The following MTHFD1L variants were observed in gnomAD, a reference collection of about 807,000 sequenced individuals.
MTHFD1L encodes the protein monofunctional C1-tetrahydrofolate synthase, mitochondrial.
MTHFD1L carries 81 observed loss-of-function variants against 119.5 expected under a neutral mutation model. The observed-to-expected ratio is 0.68, with a 90% confidence interval of 0.57 to 0.82. The LOEUF is 0.82. Among genes scored for constraint, MTHFD1L ranks in the 40% least tolerant of loss-of-function variants. The pLI is 0.00. For synonymous variants in MTHFD1L, 430 were observed against 475.2 expected (o/e 0.90, Z 1.24); for missense variants, 1,125 against 1,253.4 (o/e 0.90, Z 1.55).
At chr6:151,059,206 G>GGTC (rs982647867) in intron 26 of MTHFD1L, among the ~76,000 whole-genome samples, 1 of 151,860 alleles carries the variant, frequency 6.6e-6, no homozygotes, top group African/African-American at 2.4e-5. Context: ...TGGTGGTGGT[G>GGTC]GTGGTGGTTG....
chr6:150,926,336 T>G lies in MTHFD1L; in HGVS notation c.1256+41T>G. On this transcript the variant is annotated intron_variant, in intron 11 of 27. Coordinates refer to ENST00000367321, the MANE Select transcript of MTHFD1L (RefSeq NM_015440.5). The surrounding 1 kb of genome is among the most constrained non-coding windows in gnomAD (Gnocchi z 4.3). ...ACATCTACTTGATCAAGCAGACATA[T>G]TTACAAAACTCTTCCCTATTTATCT... is the stretch of plus-strand genomic sequence containing the variant. 6.4e-7 allele frequency: 1 copy of G among 1,551,012 alleles called. No homozygotes were observed. Among genetic ancestry groups the G allele is most frequent in the Non-Finnish European group, 8.8e-7 (1 of 1,131,820 alleles).
chr6:150,986,738 T>G (rs1186161308), intron 20 of MTHFD1L, among the ~76,000 whole-genome samples: 5 of 152,162 alleles, frequency 3.3e-5, no homozygotes, highest in Non-Finnish European at 5.9e-5. Flanking sequence ...CAAGTCTCAC[T>G]CTGTCGCCCA....
At chr6:151,023,008 TTA>T (rs1399792846) in intron 24 of MTHFD1L, among the ~76,000 whole-genome samples, 1 of 151,814 alleles carries the variant, frequency 6.6e-6, no homozygotes, top group Non-Finnish European at 1.5e-5. Flanking sequence ...CCTGCTTTTT[TTA>T]TGTTTTTTTG....
In MTHFD1L at chr6:151,016,866, G is replaced by A. The variant is rs561637904; in HGVS notation, c.2586+1173G>A. Reference sequence around the variant, plus strand: ...CGGCTCACTGCAACCTCCACCTCCCGGGTTCAAGCAATTCTTCTGCCTCAG... The same window carrying A: ...CGGCTCACTGCAACCTCCACCTCCCAGGTTCAAGCAATTCTTCTGCCTCAG... On this transcript the variant is annotated intron_variant, in intron 24 of 27. Coordinates refer to ENST00000367321, the MANE Select transcript of MTHFD1L (RefSeq NM_015440.5). 10 of 169,504 alleles carry A rather than the reference G, an allele frequency of 5.9e-5. 1 individual carries two copies. In the East Asian group the frequency reaches 9.4e-4, roughly 16 times the overall value. 10.5% of individuals were successfully genotyped at this position (169,504 alleles called of 1,614,324 possible).
intron 26 of MTHFD1L, among the ~76,000 whole-genome samples, chr6:151,071,442 A>G (rs943960409): frequency 6.6e-6 from 1 of 152,180 alleles, no homozygotes; most frequent in African/African-American, 2.4e-5. Context: ...TTCAACATGC[A>G]AGAGAATTGC....
chr6:150,988,272 T>G (rs1454343729), intron 20 of MTHFD1L, among the ~76,000 whole-genome samples: 4 of 152,228 alleles, frequency 2.6e-5, no homozygotes, highest in Non-Finnish European at 4.4e-5. Flanking sequence ...ATAATAACTT[T>G]AAAATTACGT....
chr6:151,060,140 A>G (rs908205815), intron 26 of MTHFD1L, among the ~76,000 whole-genome samples: 1 of 152,236 alleles, frequency 6.6e-6, no homozygotes, highest in African/African-American at 2.4e-5. Context: ...GTATAGGACC[A>G]TGTGGAATTC....
intron 1 of MTHFD1L, among the ~76,000 whole-genome samples, chr6:150,873,042 C>T (rs1245637238): frequency 1.1e-4 from 16 of 151,976 alleles, no homozygotes; most frequent in African/African-American, 3.4e-4. Context: ...TTCAGCCCGG[C>T]GAGGTGGCTC....
chr6:150,993,511 C>T (rs773698551), intron 20 of MTHFD1L, among the ~76,000 whole-genome samples: 1 of 152,042 alleles, frequency 6.6e-6, no homozygotes, highest in Non-Finnish European at 1.5e-5. Context: ...GAGTTTTTGC[C>T]ATGTTGCCCA....
intron 1 of MTHFD1L, among the ~76,000 whole-genome samples, chr6:150,870,900 G>A (rs1478092476): frequency 2.0e-5 from 3 of 149,860 alleles, no homozygotes; most frequent in East Asian, 3.9e-4. Flanking sequence ...CTGGGAAACA[G>A]AGCGAGACTC....
chr6:150,868,891 A>G (rs1778910453), intron 1 of MTHFD1L, among the ~76,000 whole-genome samples: 1 of 151,968 alleles, frequency 6.6e-6, no homozygotes, highest in Non-Finnish European at 1.5e-5. Flanking sequence ...TGAGACACCC[A>G]TCTCTGTAAA....
Position 151,008,849 on chromosome 6 carries a change from G to T in MTHFD1L, c.2126-970G>T, listed in dbSNP as rs926628398. On this transcript the variant is annotated intron_variant, in intron 20 of 27. Transcript: ENST00000367321. ...GGGTAAGAAAGGGTCGGGTGTGGTG[G>T]CTCATGCCTGTAATCCCAGCACTTT... Among the ~76,000 whole-genome samples the T allele has an allele frequency of 3.3e-5, 5 of 152,220 alleles. No homozygotes were observed. In the East Asian group the frequency reaches 9.7e-4, roughly 29 times the overall value.
chr6:151,057,775 A>T (rs972908426), intron 26 of MTHFD1L, among the ~76,000 whole-genome samples: 1 of 152,148 alleles, frequency 6.6e-6, no homozygotes, highest in Middle Eastern at 3.4e-3. Flanking sequence ...AGCCGTATGC[A>T]TGACCTTTTG....
intron 4 of MTHFD1L, among the ~76,000 whole-genome samples, chr6:150,879,963 G>A (rs576038171): frequency 1.4e-4 from 22 of 152,184 alleles, no homozygotes; most frequent in East Asian, 9.7e-4. Flanking sequence ...GATTTTCGTC[G>A]TTGTTGTTTA....
intron 27 of MTHFD1L, among the ~76,000 whole-genome samples, chr6:151,095,829 C>A (rs1771314846): frequency 2.0e-5 from 3 of 152,240 alleles, no homozygotes; most frequent in Non-Finnish European, 4.4e-5. Flanking sequence ...GCCTTGCCAC[C>A]CTGTGGCACT....
intron 7 of MTHFD1L, among the ~76,000 whole-genome samples, chr6:150,903,203 ATTTTTTTT>A (rs774695918): frequency 0.048 from 4,142 of 85,420 alleles, 168 homozygotes; most frequent in Middle Eastern, 0.12. Context: ...TGGCTGCAAA[ATTTTTTTT>A]TTTTTTTTTT....
At chr6:151,086,711 G>C (rs770671455) in intron 26 of MTHFD1L, among the ~76,000 whole-genome samples, 1 of 151,846 alleles carries the variant, frequency 6.6e-6, no homozygotes, top group African/African-American at 2.4e-5. Flanking sequence ...TTTGTTTTTT[G>C]TAGAGATGGG....
chr6:150,929,739 G>A (rs1365095574), intron 11 of MTHFD1L, among the ~76,000 whole-genome samples: 1 of 152,148 alleles, frequency 6.6e-6, no homozygotes, highest in Non-Finnish European at 1.5e-5. Context: ...AAATAGAAAA[G>A]AAGACTAAAG....
chr6:150,972,491 G>A (rs1344059621), intron 20 of MTHFD1L, among the ~76,000 whole-genome samples: 1 of 152,212 alleles, frequency 6.6e-6, no homozygotes, highest in East Asian at 1.9e-4. Context: ...GGGATCCAGT[G>A]GTAAGCAAAA....
Sources: gnomAD v4.1 joint callset for allele counts (sites outside exome capture counted in the v4.1 genomes callset) on GRCh38, gnomAD v4.1.1 for gene constraint, Gnocchi (gnomAD v3.1) non-coding constraint, MANE v1.5 for transcripts, NCBI Gene and HGNC (gene_info 2026-07-23, HGNC 2026-07-21) for gene names.